ABHD2: variants seen among roughly 807,000 people sequenced by gnomAD.
The protein encoded by ABHD2 is monoacylglycerol lipase ABHD2.
Under a neutral mutation model 48.1 loss-of-function variants are expected in ABHD2, and 20 were observed. The ratio of observed to expected loss-of-function variants is 0.42; its 90% CI spans 0.29 to 0.60. ABHD2 has a LOEUF of 0.60. ABHD2 is among the 20% of genes least tolerant of loss of function. The pLI is 0.24. For synonymous variants in ABHD2, 209 were observed against 214.2 expected (o/e 0.98, Z 0.21); for missense variants, 405 against 550.9 (o/e 0.74, Z 2.65).
chr15:89,133,759 T>C (rs1456836188), intron 3 of ABHD2, among the ~76,000 whole-genome samples: 1 of 152,168 alleles, frequency 6.6e-6, no homozygotes, highest in Non-Finnish European at 1.5e-5. Flanking sequence ...CCCTTTGTGA[T>C]ATGAATTGCA....
intron 3 of ABHD2, among the ~76,000 whole-genome samples, chr15:89,119,673 G>C (rs1358453721): frequency 6.6e-6 from 1 of 152,104 alleles, no homozygotes; most frequent in African/African-American, 2.4e-5. Context: ...ACTTTTCTTG[G>C]GTACAAGTGA....
the ABHD2 span, among the ~76,000 whole-genome samples, chr15:89,073,831 C>T: frequency 6.6e-6 from 1 of 152,140 alleles, no homozygotes; most frequent in East Asian, 1.9e-4. Context: ...ACTTGAACCA[C>T]CTGGAGGGCT....
chr15:89,103,551 G>A (rs1344130787), intron 1 of ABHD2, among the ~76,000 whole-genome samples: 1 of 152,166 alleles, frequency 6.6e-6, no homozygotes, highest in Non-Finnish European at 1.5e-5. Context: ...TATATCACAT[G>A]GACTCTTAAG....
At chr15:89,109,991 T>C (rs1371234046) in intron 1 of ABHD2, among the ~76,000 whole-genome samples, 2 of 152,264 alleles carry the variant, frequency 1.3e-5, no homozygotes, top group Non-Finnish European at 2.9e-5. Context: ...AGATTACTTA[T>C]AATACCTATT....
At chr15:89,117,686 G>C (rs2049983185) in intron 3 of ABHD2, among the ~76,000 whole-genome samples, 1 of 152,214 alleles carries the variant, frequency 6.6e-6, no homozygotes, top group Non-Finnish European at 1.5e-5. Context: ...AAGACCCAGT[G>C]GTGGTAGAAG....
the ABHD2 span, among the ~76,000 whole-genome samples, chr15:89,071,472 G>T: frequency 6.6e-6 from 1 of 152,130 alleles, no homozygotes; most frequent in South Asian, 2.1e-4. Flanking sequence ...ATACAGGGGA[G>T]AGTCTCCAGC....
intron 1 of ABHD2, among the ~76,000 whole-genome samples, chr15:89,108,825 G>A (rs1287997504): frequency 1.3e-5 from 2 of 152,252 alleles, no homozygotes; most frequent in African/African-American, 4.8e-5. Flanking sequence ...CATCTATGAA[G>A]TAGGCTGGAA....
chr15:89,151,115 C>G lies in ABHD2; in HGVS notation c.195-562C>G, dbSNP rs1358955307. Among the ~76,000 whole-genome samples, 4 of 152,220 alleles carry G rather than the reference C, an allele frequency of 2.6e-5. No individual in the cohort carries two copies. The highest frequency in any genetic ancestry group is 4.8e-5 in the African/African-American group (2 of 41,462). ...CACTGCACTGCCCTTACAGCATATT[C>G]TCTGGAGCATAGAGTAGTGCCCTCA... On this transcript the variant is annotated intron_variant, in intron 3 of 10. Coordinates refer to ENST00000352732, the MANE Select transcript of ABHD2 (RefSeq NM_152924.5). The surrounding 1 kb of genome is among the most constrained non-coding windows in gnomAD (Gnocchi z 4.7).
chr15:89,074,362 C>T, the ABHD2 span, among the ~76,000 whole-genome samples: 7 of 149,338 alleles, frequency 4.7e-5, no homozygotes, highest in African/African-American at 1.2e-4. Context: ...GGGGCAAGAG[C>T]GAAACTCCAT....
intron 8 of ABHD2, among the ~76,000 whole-genome samples, chr15:89,190,188 C>A (rs1217710218): frequency 6.6e-6 from 1 of 152,188 alleles, no homozygotes; most frequent in Non-Finnish European, 1.5e-5. Flanking sequence ...GAAGACCCAC[C>A]ATTCAGAAGC....
rs2051078296 is a variant in ABHD2 at position 89,179,852 on chromosome 15, G to A, written c.722+3857G>A. Among the ~76,000 whole-genome samples the A allele has an allele frequency of 6.6e-6, 1 of 152,086 alleles. No individual in the cohort carries two copies. On this transcript the variant is annotated intron_variant, in intron 6 of 10. Transcript: ENST00000352732. The surrounding 1 kb of genome is among the most constrained non-coding windows in gnomAD (Gnocchi z 4.3). ...ACATCACTAAGACCTGACCTCCTTG[G>A]TTCAGGTAAACCTGAACATCCTAGC...
At position 89,088,777 on chromosome 15, in the gene ABHD2, T is replaced by C. The variant is rs569050241; in HGVS notation, c.-107+214T>C. ...CCCAGATCGCGGCGGGGGATACGCC[T>C]TCCTGAGGCCCTTTGTCCCCTTCTG... On this transcript the variant is annotated intron_variant, in intron 1 of 10. Transcript: ENST00000352732. This position sits in a 1 kb window ranked among gnomAD's most constrained non-coding sequence, Gnocchi z 6.8. Among the ~76,000 whole-genome samples the C allele has an allele frequency of 5.9e-5, 9 of 152,282 alleles. No individual in the cohort carries two copies. The highest frequency in any genetic ancestry group is 1.9e-4 in the African/African-American group (8 of 41,570).
At chr15:89,126,020 C>T (rs1288490398) in intron 3 of ABHD2, among the ~76,000 whole-genome samples, 6 of 152,142 alleles carry the variant, frequency 3.9e-5, no homozygotes, top group African/African-American at 1.2e-4. Context: ...CTTTATGTGC[C>T]GAGCATTCTT....
intron 6 of ABHD2, among the ~76,000 whole-genome samples, chr15:89,181,416 G>T: frequency 6.6e-6 from 1 of 152,000 alleles, no homozygotes; most frequent in African/African-American, 2.4e-5. Context: ...TATTCTTAAG[G>T]TTTCATTAGC....
intron 3 of ABHD2, among the ~76,000 whole-genome samples, chr15:89,122,560 G>C (rs2050068583): frequency 6.6e-6 from 1 of 152,178 alleles, no homozygotes; most frequent in Non-Finnish European, 1.5e-5. Context: ...GATCTGGGAA[G>C]GCTCTACCCT....
chr15:89,075,237 G>A, the ABHD2 span: 2 of 152,210 alleles, frequency 1.3e-5, no homozygotes, highest in African/African-American at 4.8e-5. The surrounding 1 kb of genome is among the most constrained non-coding windows in gnomAD (Gnocchi z 4.1). Context: ...TGTGAATGAT[G>A]TGGGTTCTGG....
chr15:89,183,462 A>G (rs2051155818), intron 6 of ABHD2: 1 of 147,142 alleles, frequency 6.8e-6, no homozygotes, highest in South Asian at 2.2e-4. Context: ...TTAAAGCAAT[A>G]TAAATTTAAG....
intron 3 of ABHD2, among the ~76,000 whole-genome samples, chr15:89,139,435 T>G (rs1015674573): frequency 6.6e-6 from 1 of 152,214 alleles, no homozygotes; most frequent in Non-Finnish European, 1.5e-5. Context: ...TAGCTGCCTG[T>G]GTATTCATCA....
chr15:89,072,788 TGCC>T, the ABHD2 span, among the ~76,000 whole-genome samples: 1 of 152,188 alleles, frequency 6.6e-6, no homozygotes, highest in Non-Finnish European at 1.5e-5. Context: ...AATATGGTTA[TGCC>T]AAGCTTCTCC....
Sources: allele counts gnomAD v4.1 joint callset (sites outside exome capture counted in the v4.1 genomes callset), GRCh38; gene constraint gnomAD v4.1.1; non-coding constraint Gnocchi (gnomAD v3.1); transcripts MANE v1.5; gene names NCBI Gene and HGNC (gene_info 2026-07-23, HGNC 2026-07-21).